Variants in TLN2 observed in about 807,000 individuals in gnomAD.
TLN2 encodes talin 2, also known as talin-2.
Under a neutral mutation model 294.7 loss-of-function variants are expected in TLN2, and 118 were observed. That is an observed-to-expected ratio of 0.40 (90% CI 0.34 to 0.47). The LOEUF (loss-of-function observed/expected upper bound fraction) is 0.47, where lower values mean the gene tolerates loss of function less well. Among genes scored for constraint, TLN2 ranks in the 20% least tolerant of loss-of-function variants. The probability of loss-of-function intolerance (pLI) is 0.84; values close to 1 mark genes in which losing one functional copy is unlikely to be tolerated. For missense variants in TLN2, 3,083 were observed against 3,282.2 expected, an observed-to-expected ratio of 0.94 and a Z score of 1.48; for synonymous variants, 1,431 against 1,304.5, an observed-to-expected ratio of 1.10 and a Z score of -2.09.
chr15:62,646,730 C>T (rs2051901667), intron 3 of TLN2, among the ~76,000 whole-genome samples: 1 of 152,172 alleles, frequency 6.6e-6, no homozygotes, highest in Non-Finnish European at 1.5e-5. Flanking sequence ...AAGTGACTTT[C>T]TCAGATTGAC....
intron 2 of TLN2, among the ~76,000 whole-genome samples, chr15:62,617,050 C>G (rs1173503495): frequency 6.6e-6 from 1 of 152,078 alleles, no homozygotes; most frequent in African/African-American, 2.4e-5. Flanking sequence ...ATGCACATGT[C>G]TGTAAAACAT....
chr15:62,701,910 ACTC>A, intron 17 of TLN2, 79 bp from the exon 18 acceptor site: 1 of 1,478,338 alleles, frequency 6.8e-7, no homozygotes, highest in Non-Finnish European at 9.2e-7. Flanking sequence ...TAGGTGAGGA[ACTC>A]CTGCCAGTGT....
intron 1 of TLN2, among the ~76,000 whole-genome samples, chr15:62,583,504 GT>G (rs67564590): frequency 6.7e-6 from 1 of 149,938 alleles, no homozygotes; most frequent in Non-Finnish European, 1.5e-5. Flanking sequence ...TTCTTTTTTT[GT>G]TTTTTTTTGG....
At chr15:62,662,822 G>GTTT (rs772448730) in intron 9 of TLN2, among the ~76,000 whole-genome samples, 52,593 of 108,056 alleles carry the variant, frequency 0.49, 15,584 homozygotes, top group Middle Eastern at 0.6. Flanking sequence ...GATTGAGAGA[G>GTTT]TTTTTTTTTT....
At chr15:62,712,965 A>G (rs116558481) in intron 22 of TLN2, among the ~76,000 whole-genome samples, 3,608 of 152,078 alleles carry the variant, frequency 0.024, 140 homozygotes, top group African/African-American at 0.076. Flanking sequence ...ATGTATTTCT[A>G]TGCATATAAG....
At chr15:62,412,108 G>A (rs1004178697) in intron 1 of TLN2, among the ~76,000 whole-genome samples, 2 of 117,574 alleles carry the variant, frequency 1.7e-5, no homozygotes, top group Non-Finnish European at 3.9e-5. Flanking sequence ...AAATCGGTCT[G>A]TGGACCAGCA....
chr15:62,823,910 C>G (rs765533613), intron 54 of TLN2: 1 of 510,148 alleles, frequency 2.0e-6, no homozygotes, highest in African/African-American at 1.9e-5. Context: ...CCGTAACCTT[C>G]AATACTGTGC....
intron 1 of TLN2, among the ~76,000 whole-genome samples, chr15:62,530,721 G>A (rs1455662111): frequency 6.6e-6 from 1 of 152,238 alleles, no homozygotes; most frequent in Non-Finnish European, 1.5e-5. Context: ...AAAGATGTAA[G>A]AGAAGTTCTG....
intron 2 of TLN2, among the ~76,000 whole-genome samples, chr15:62,614,231 A>G (rs2048136574): frequency 6.6e-6 from 1 of 152,188 alleles, no homozygotes; most frequent in Non-Finnish European, 1.5e-5. Context: ...ATTTCCATAA[A>G]CATTTCTGAA....
At chr15:62,580,976 C>T (rs1390543086) in intron 1 of TLN2, among the ~76,000 whole-genome samples, 1 of 151,734 alleles carries the variant, frequency 6.6e-6, no homozygotes, top group Admixed American at 6.6e-5. Context: ...TTCCGCCTCC[C>T]AGGTCCAAGT....
intron 32 of TLN2, among the ~76,000 whole-genome samples, chr15:62,741,829 G>A (rs543750618): frequency 1.4e-4 from 21 of 147,356 alleles, no homozygotes; most frequent in Non-Finnish European, 2.7e-4. Flanking sequence ...CAAGAGACCT[G>A]AATTATATTC....
chr15:62,460,925 TTG>T (rs558763158), intron 1 of TLN2, among the ~76,000 whole-genome samples: 6 of 151,614 alleles, frequency 4.0e-5, no homozygotes, highest in Admixed American at 1.3e-4. Context: ...TTAGTTTTGC[TTG>T]TGTGTGTGTG....
intron 25 of TLN2, among the ~76,000 whole-genome samples, chr15:62,720,649 GT>G: frequency 2.7e-4 from 1 of 3,748 alleles, no homozygotes. Flanking sequence ...TACAACACAG[GT>G]GTGTGTGTGT....
At chr15:62,804,245 G>A (rs1188182471) in intron 50 of TLN2, among the ~76,000 whole-genome samples, 1 of 152,132 alleles carries the variant, frequency 6.6e-6, no homozygotes, top group African/African-American at 2.4e-5. Context: ...TTGAAATTTG[G>A]AGCCATCCTG....
At chr15:62,573,357 G>T (rs2044081482) in intron 1 of TLN2, among the ~76,000 whole-genome samples, 1 of 151,714 alleles carries the variant, frequency 6.6e-6, no homozygotes, top group Admixed American at 6.6e-5. Context: ...CCCTCCCACT[G>T]GCCCAGCCCT....
intron 1 of TLN2, among the ~76,000 whole-genome samples, chr15:62,439,428 T>G (rs2035444022): frequency 6.6e-6 from 1 of 152,126 alleles, no homozygotes; most frequent in Admixed American, 6.5e-5. Flanking sequence ...TTATCCTGCC[T>G]CAGCCTCCCA....
At chr15:62,818,830 CT>C (rs763245234) in intron 52 of TLN2, among the ~76,000 whole-genome samples, 3,217 of 126,200 alleles carry the variant, frequency 0.025, 49 homozygotes, top group South Asian at 0.045. Flanking sequence ...TCAGCATGTT[CT>C]TTTTTTTTTT....
chr15:62,648,160 C>A (rs991205587), intron 4 of TLN2, among the ~76,000 whole-genome samples: 2 of 152,060 alleles, frequency 1.3e-5, no homozygotes, highest in African/African-American at 4.8e-5. Flanking sequence ...GTGGCTCACA[C>A]CTGTAATCCA....
intron 52 of TLN2, among the ~76,000 whole-genome samples, chr15:62,818,113 G>A (rs1596110184): frequency 6.6e-6 from 1 of 152,048 alleles, no homozygotes; most frequent in African/African-American, 2.4e-5. Flanking sequence ...CCCAGCCTCC[G>A]TTTGATCTTT....
Sources: allele counts gnomAD v4.1 joint callset (sites outside exome capture counted in the v4.1 genomes callset), GRCh38; gene constraint gnomAD v4.1.1; transcripts MANE v1.5; gene names NCBI Gene and HGNC (gene_info 2026-07-23, HGNC 2026-07-21).